Variants in EXOC4 observed in about 807,000 individuals in gnomAD.
EXOC4 encodes the protein exocyst complex component 4.
EXOC4 carries 71 observed loss-of-function variants against 107.2 expected under a neutral mutation model. The ratio of observed to expected loss-of-function variants is 0.66; its 90% confidence interval spans 0.55 to 0.81. The LOEUF (loss-of-function observed/expected upper bound fraction) is 0.81. EXOC4 is among the 30% of genes least tolerant of loss of function. EXOC4 has a pLI of 0.00. For synonymous variants in EXOC4, 456 were observed against 441.2 expected (o/e 1.03, Z -0.42); for missense variants, 1,108 against 1,189.6 (o/e 0.93, Z 1.01).
intron 14 of EXOC4, among the ~76,000 whole-genome samples, chr7:133,939,997 C>T (rs1800391502): frequency 6.6e-6 from 1 of 152,166 alleles, no homozygotes; most frequent in Admixed American, 6.5e-5. Context: ...GCCTCTTTTC[C>T]TAGTTTTCTT....
At chr7:133,800,991 G>A (rs1179558642) in intron 10 of EXOC4, among the ~76,000 whole-genome samples, 1 of 152,130 alleles carries the variant, frequency 6.6e-6, no homozygotes, top group East Asian at 1.9e-4. Flanking sequence ...AATGAATAAA[G>A]GGATACCCAT....
chr7:134,060,453 C>T (rs1348343256), intron 17 of EXOC4, among the ~76,000 whole-genome samples: 1 of 152,174 alleles, frequency 6.6e-6, no homozygotes, highest in Non-Finnish European at 1.5e-5. Context: ...TTCACTGATC[C>T]CATCCAGGCA....
chr7:133,909,087 G>A (rs1261331692), intron 12 of EXOC4, among the ~76,000 whole-genome samples: 4 of 152,186 alleles, frequency 2.6e-5, no homozygotes, highest in Non-Finnish European at 5.9e-5. Context: ...AACATGCGGT[G>A]TGTGGTCCAG....
At chr7:133,320,474 T>C (rs1437514197) in intron 5 of EXOC4, among the ~76,000 whole-genome samples, 1 of 152,212 alleles carries the variant, frequency 6.6e-6, no homozygotes, top group Admixed American at 6.5e-5. Context: ...CTTCTGTGCC[T>C]CTTTCCTCTT....
intron 5 of EXOC4, among the ~76,000 whole-genome samples, chr7:133,353,520 A>AT (rs962263255): frequency 5.3e-5 from 8 of 152,054 alleles, no homozygotes. Flanking sequence ...GGATAATCTT[A>AT]TTGGGGATCC....
At chr7:133,599,142 T>A (rs1801749382) in intron 9 of EXOC4, among the ~76,000 whole-genome samples, 1 of 152,246 alleles carries the variant, frequency 6.6e-6, no homozygotes, top group Admixed American at 6.5e-5. Context: ...TTAATGCAAC[T>A]AATTTCACTT....
intron 7 of EXOC4, among the ~76,000 whole-genome samples, chr7:133,401,248 T>C (rs1407542751): frequency 1.3e-5 from 2 of 151,910 alleles, no homozygotes; most frequent in East Asian, 3.9e-4. Flanking sequence ...CTAATATTGA[T>C]CCAAATTTAG....
chr7:133,636,484 C>T (rs779623417), intron 10 of EXOC4, among the ~76,000 whole-genome samples: 1 of 152,138 alleles, frequency 6.6e-6, no homozygotes, highest in Non-Finnish European at 1.5e-5. Flanking sequence ...CTTCAACTGG[C>T]TTTTAAAAGG....
intron 5 of EXOC4, among the ~76,000 whole-genome samples, chr7:133,344,828 T>C (rs939250361): frequency 7.9e-5 from 12 of 152,208 alleles, no homozygotes; most frequent in African/African-American, 2.4e-4. Context: ...CTCTTTGTTA[T>C]AGTTTTTCAC....
intron 5 of EXOC4, among the ~76,000 whole-genome samples, chr7:133,351,974 T>C (rs930606053): frequency 6.6e-6 from 1 of 152,050 alleles, no homozygotes; most frequent in Non-Finnish European, 1.5e-5. Context: ...TTGACATAAG[T>C]TTGTGTATTT....
chr7:133,709,052 A>G (rs1445022546), intron 10 of EXOC4, among the ~76,000 whole-genome samples: 1 of 152,226 alleles, frequency 6.6e-6, no homozygotes, highest in Non-Finnish European at 1.5e-5. Flanking sequence ...ATGACATCTG[A>G]TGTGGCTGTT....
Position 133,887,709 on chromosome 7 carries a change from AG to A in EXOC4, c.1735-7889del, listed in dbSNP as rs553789614. On this transcript the variant is annotated intron_variant, in intron 11 of 17. Transcript: ENST00000253861. ...AACAAGGCCCTTTCTCCCAATAATC[AG>A]AGGCATCTCCTCATGCTCATCTTCC... Among the ~76,000 whole-genome samples, 21 of 152,304 alleles carry A rather than the reference AG, an allele frequency of 1.4e-4. No homozygotes were observed. The South Asian group carries it at 4.1e-3, about 30-fold the overall frequency.
intron 7 of EXOC4, among the ~76,000 whole-genome samples, chr7:133,402,288 G>C (rs761930277): frequency 2.0e-5 from 3 of 152,190 alleles, no homozygotes; most frequent in Non-Finnish European, 2.9e-5. Context: ...TTTGAAGGCT[G>C]CTGTTGAGTA....
At chr7:133,716,657 C>A (rs1795004739) in intron 10 of EXOC4, among the ~76,000 whole-genome samples, 1 of 152,104 alleles carries the variant, frequency 6.6e-6, no homozygotes, top group Non-Finnish European at 1.5e-5. Flanking sequence ...AGAAAATATT[C>A]TTTGGCCGGG....
intron 10 of EXOC4, among the ~76,000 whole-genome samples, chr7:133,780,487 A>T (rs183744142): frequency 6.6e-6 from 1 of 151,900 alleles, no homozygotes; most frequent in Admixed American, 6.6e-5. Context: ...TTCTTGCACT[A>T]TTTTTTTTAA....
At chr7:133,583,571 A>C (rs1801328492) in intron 9 of EXOC4, among the ~76,000 whole-genome samples, 1 of 152,242 alleles carries the variant, frequency 6.6e-6, no homozygotes. Context: ...AGAGAATGCC[A>C]AGCAAATGGA....
chr7:133,700,264 T>C (rs904659722), intron 10 of EXOC4, among the ~76,000 whole-genome samples: 1 of 152,222 alleles, frequency 6.6e-6, no homozygotes, highest in Non-Finnish European at 1.5e-5. Flanking sequence ...TTTACAGTTA[T>C]ATGTTAACAG....
chr7:133,295,879 C>T (rs750247395), intron 3 of EXOC4, among the ~76,000 whole-genome samples: 11 of 152,122 alleles, frequency 7.2e-5, no homozygotes, highest in African/African-American at 2.6e-4. Context: ...GGAAAAGTAT[C>T]GATGTGAAAG....
chr7:133,484,307 C>T, intron 9 of EXOC4: 1 of 761,886 alleles, frequency 1.3e-6, no homozygotes, highest in South Asian at 2.5e-5. Context: ...GATGTGGGTG[C>T]TGCTTCAAAA....
Sources: gnomAD v4.1 joint callset for allele counts (sites outside exome capture counted in the v4.1 genomes callset) on GRCh38, gnomAD v4.1.1 for gene constraint, MANE v1.5 for transcripts, NCBI Gene and HGNC (gene_info 2026-07-23, HGNC 2026-07-21) for gene names.